The following SLC24A2 variants were observed in gnomAD, a reference collection of about 807,000 sequenced individuals.
The protein encoded by SLC24A2 is solute carrier family 24 member 2.
A neutral mutation model predicts 62.0 loss-of-function variants in SLC24A2; 36 were observed. The observed-to-expected ratio is 0.58, with a 90% CI of 0.44 to 0.77. SLC24A2 has a LOEUF of 0.77. Ranked by LOEUF, SLC24A2 falls within the 30% of genes least tolerant of loss-of-function variation. The pLI is 0.00. For synonymous variants in SLC24A2, 358 were observed against 294.0 expected (o/e 1.22, Z -2.23); for missense variants, 846 against 817.9 (o/e 1.03, Z -0.42).
rs182007123 is a variant in SLC24A2 at position 19,693,136 on chromosome 9, A to T, written c.931-70837T>A. Among the ~76,000 whole-genome samples, 26 of 152,232 alleles carry T rather than the reference A, an allele frequency of 1.7e-4. No individual in the cohort carries two copies. The East Asian group carries it at 5.0e-3, about 29-fold the overall frequency. ...TATTATTCTTTAAGTTCCAGGGTAC[A>T]TGTGCACAATGTGCAGGTTTGTTAC... On this transcript the variant is annotated intron_variant, in intron 2 of 10. Transcript: ENST00000341998.
At chr9:19,889,768 C>T in the SLC24A2 span, among the ~76,000 whole-genome samples, 1 of 152,206 alleles carries the variant, frequency 6.6e-6, no homozygotes, top group Non-Finnish European at 1.5e-5. Flanking sequence ...ATGACTTCCA[C>T]ACCTATGCCA....
chr9:20,059,785 A>C, the SLC24A2 span, among the ~76,000 whole-genome samples: 1 of 152,090 alleles, frequency 6.6e-6, no homozygotes, highest in South Asian at 2.1e-4. Context: ...TAGCAGAGGG[A>C]AGGAAAGAAT....
the SLC24A2 span, among the ~76,000 whole-genome samples, chr9:20,120,271 C>T: frequency 1.4e-4 from 22 of 151,980 alleles, 1 homozygote; most frequent in Non-Finnish European, 5.9e-5. Context: ...GAAGCTTTGC[C>T]TCTATTCATA....
the SLC24A2 span, among the ~76,000 whole-genome samples, chr9:20,282,519 C>T: frequency 1.3e-5 from 2 of 152,070 alleles, no homozygotes; most frequent in Non-Finnish European, 2.9e-5. Flanking sequence ...ATTAATGCCC[C>T]AAATCATACT....
At chr9:20,199,404 A>G in the SLC24A2 span, among the ~76,000 whole-genome samples, 1 of 152,238 alleles carries the variant, frequency 6.6e-6, no homozygotes, top group South Asian at 2.1e-4. Context: ...CAATCAATAA[A>G]GCAGAGAGCG....
intron 4 of SLC24A2, among the ~76,000 whole-genome samples, chr9:19,618,817 T>G (rs1011777931): frequency 3.9e-5 from 6 of 152,188 alleles, no homozygotes; most frequent in East Asian, 3.8e-4. Context: ...TTGGTTATAT[T>G]TGAACCCCTT....
At chr9:20,128,345 T>C in the SLC24A2 span, among the ~76,000 whole-genome samples, 1 of 152,144 alleles carries the variant, frequency 6.6e-6, no homozygotes, top group Non-Finnish European at 1.5e-5. Context: ...ATTAATCTAA[T>C]ATTTATTGTT....
chr9:19,908,153 C>A, the SLC24A2 span, among the ~76,000 whole-genome samples: 1 of 152,150 alleles, frequency 6.6e-6, no homozygotes, highest in Non-Finnish European at 1.5e-5. Context: ...ACCAATGGAG[C>A]AGAACAGAGC....
the SLC24A2 span, among the ~76,000 whole-genome samples, chr9:19,853,206 G>T: frequency 6.6e-6 from 1 of 152,164 alleles, no homozygotes; most frequent in South Asian, 2.1e-4. Context: ...AGAAGCTTTT[G>T]GGCTGAGATG....
At chr9:20,149,156 G>C in the SLC24A2 span, among the ~76,000 whole-genome samples, 1 of 151,954 alleles carries the variant, frequency 6.6e-6, no homozygotes, top group Non-Finnish European at 1.5e-5. Flanking sequence ...GTCCTGGTGA[G>C]AAACTCATCT....
At chr9:20,044,910 C>A in the SLC24A2 span, among the ~76,000 whole-genome samples, 2 of 152,036 alleles carry the variant, frequency 1.3e-5, no homozygotes, top group African/African-American at 2.4e-5. Flanking sequence ...ATGACTTACA[C>A]AGGTTACATC....
At chr9:20,105,064 C>G in the SLC24A2 span, among the ~76,000 whole-genome samples, 1 of 152,134 alleles carries the variant, frequency 6.6e-6, no homozygotes, top group African/African-American at 2.4e-5. Flanking sequence ...TCTGATAAAA[C>G]AGACTTTAAA....
At chr9:20,208,765 G>T in the SLC24A2 span, among the ~76,000 whole-genome samples, 1 of 152,204 alleles carries the variant, frequency 6.6e-6, no homozygotes, top group African/African-American at 2.4e-5. Context: ...ACTCAAGAGA[G>T]TCATGACCGT....
chr9:19,801,678 G>T, the SLC24A2 span, among the ~76,000 whole-genome samples: 1 of 152,290 alleles, frequency 6.6e-6, no homozygotes, highest in South Asian at 2.1e-4. Context: ...TAGCATTTTA[G>T]TGAGCTCTCT....
At chr9:20,038,157 C>T in the SLC24A2 span, among the ~76,000 whole-genome samples, 1 of 152,154 alleles carries the variant, frequency 6.6e-6, no homozygotes, top group Non-Finnish European at 1.5e-5. Flanking sequence ...TAATTAGAGG[C>T]ATTGACTCCA....
the SLC24A2 span, among the ~76,000 whole-genome samples, chr9:20,197,127 G>C: frequency 6.6e-6 from 1 of 152,132 alleles, no homozygotes; most frequent in East Asian, 1.9e-4. Flanking sequence ...AATAATACTG[G>C]AATGAAGATC....
the SLC24A2 span, among the ~76,000 whole-genome samples, chr9:20,291,469 G>A: frequency 1.3e-5 from 2 of 152,298 alleles, no homozygotes; most frequent in Non-Finnish European, 1.5e-5. Flanking sequence ...TTAAGTGGAT[G>A]CAAGAGATGA....
In SLC24A2 at chr9:19,651,084, T is replaced by C. The variant is rs189701274; in HGVS notation, c.931-28785A>G. Among the ~76,000 whole-genome samples, 74 of 152,264 alleles carry C rather than the reference T, an allele frequency of 4.9e-4. 1 individual carries two copies. The highest frequency in any genetic ancestry group is 3.9e-3 in the East Asian group (20 of 5,180). ...ACCTTTTCAGAAACAAGCTCAGATG[T>C]AGACCTAATAGTATTAGGTAGCACA... On this transcript the variant is annotated intron_variant, in intron 2 of 10. Transcript: ENST00000341998.
At chr9:20,093,711 G>T in the SLC24A2 span, among the ~76,000 whole-genome samples, 2 of 152,012 alleles carry the variant, frequency 1.3e-5, no homozygotes, top group Admixed American at 1.3e-4. Context: ...ATTGTTAATG[G>T]GTACAAAAAA....
Sources: gnomAD v4.1 joint callset for allele counts (sites outside exome capture counted in the v4.1 genomes callset) on GRCh38, gnomAD v4.1.1 for gene constraint, MANE v1.5 for transcripts, NCBI Gene and HGNC (gene_info 2026-07-23, HGNC 2026-07-21) for gene names.